Variants in AGBL4 observed in about 807,000 individuals in gnomAD.
The protein encoded by AGBL4 is AGBL carboxypeptidase 4.
In AGBL4, 58 loss-of-function variants were observed where a neutral mutation model predicts 66.4. The ratio of observed to expected loss-of-function variants is 0.87; its 90% CI spans 0.71 to 1.09. The LOEUF is 1.09. Ranked by LOEUF, AGBL4 falls within the 50% of genes least tolerant of loss-of-function variation. The pLI, the probability that AGBL4 is intolerant of heterozygous loss-of-function variation, is 0.00. For missense variants in AGBL4, 579 were observed against 631.0 expected (o/e 0.92, Z 0.88); for synonymous variants, 234 against 222.9 (o/e 1.05, Z -0.44).
chr1:48,874,311 T>C (rs1256324522), intron 5 of AGBL4, among the ~76,000 whole-genome samples: 2 of 138,176 alleles, frequency 1.4e-5, no homozygotes, highest in East Asian at 3.1e-4. Flanking sequence ...TCCCATGCCC[T>C]GCTCCCTGCC....
chr1:48,584,481 G>T (rs1185263235), intron 11 of AGBL4: 1 of 152,256 alleles, frequency 6.6e-6, no homozygotes, highest in Non-Finnish European at 1.5e-5. Flanking sequence ...ACTTTGGGAG[G>T]CCGAAGCAGG....
At chr1:49,625,785 T>C (rs1645453102) in intron 3 of AGBL4, among the ~76,000 whole-genome samples, 1 of 152,286 alleles carries the variant, frequency 6.6e-6, no homozygotes, top group Middle Eastern at 3.4e-3. Context: ...CTTGGAAGGA[T>C]GGCCCAATAA....
At chr1:49,904,412 T>C (rs1018727579) in intron 1 of AGBL4, among the ~76,000 whole-genome samples, 2 of 152,126 alleles carry the variant, frequency 1.3e-5, no homozygotes, top group African/African-American at 4.8e-5. Flanking sequence ...ACAGAGACAT[T>C]GGATAATAAT....
chr1:49,261,615 C>T (rs1275209607), intron 3 of AGBL4, among the ~76,000 whole-genome samples: 1 of 151,958 alleles, frequency 6.6e-6, no homozygotes, highest in Non-Finnish European at 1.5e-5. Context: ...ATGTGAAGGA[C>T]CTCTTCAAGG....
intron 11 of AGBL4, among the ~76,000 whole-genome samples, chr1:48,562,767 T>C (rs1240364758): frequency 6.6e-6 from 1 of 152,190 alleles, no homozygotes; most frequent in Non-Finnish European, 1.5e-5. Context: ...AGCTAGAAAG[T>C]AGCTGAGCTT....
chr1:49,415,113 C>T (rs1645398516), intron 3 of AGBL4, among the ~76,000 whole-genome samples: 1 of 152,140 alleles, frequency 6.6e-6, no homozygotes, highest in Non-Finnish European at 1.5e-5. Context: ...ATTCTGTACT[C>T]TTTCCTACTT....
chr1:48,776,904 G>C (rs1413966774), intron 6 of AGBL4: 16 of 945,732 alleles, frequency 1.7e-5, no homozygotes, highest in South Asian at 1.4e-4. Context: ...GGATCCGGCG[G>C]GGGGCGCGAG....
chr1:49,763,874 G>A (rs1287398657), intron 2 of AGBL4, among the ~76,000 whole-genome samples: 1 of 152,114 alleles, frequency 6.6e-6, no homozygotes, highest in Non-Finnish European at 1.5e-5. Flanking sequence ...CTAGGATAGA[G>A]GCCACAGCAG....
At chr1:49,490,008 A>G (rs1301029550) in intron 3 of AGBL4, among the ~76,000 whole-genome samples, 4 of 151,830 alleles carry the variant, frequency 2.6e-5, no homozygotes, top group East Asian at 1.9e-4. Flanking sequence ...CTATTTCCAA[A>G]TACTTACATG....
chr1:49,212,244 T>C (rs561225663), intron 4 of AGBL4, among the ~76,000 whole-genome samples: 1 of 152,106 alleles, frequency 6.6e-6, no homozygotes, highest in African/African-American at 2.4e-5. Context: ...CCATCTTGAA[T>C]AAATAATGTG....
chr1:48,814,370 T>G (rs200719296), intron 6 of AGBL4, among the ~76,000 whole-genome samples: 1 of 10,588 alleles, frequency 9.4e-5, no homozygotes, highest in Non-Finnish European at 6.3e-3. Context: ...ATGGGAAACA[T>G]AGTGATATTT....
chr1:49,646,174 T>G (rs993872210), intron 3 of AGBL4, among the ~76,000 whole-genome samples: 1 of 151,678 alleles, frequency 6.6e-6, no homozygotes, highest in Non-Finnish European at 1.5e-5. Context: ...TTCTACTCAG[T>G]GAAATAGGCA....
At chr1:48,716,359 C>A (rs1430785444) in intron 6 of AGBL4, among the ~76,000 whole-genome samples, 1 of 152,072 alleles carries the variant, frequency 6.6e-6, no homozygotes, top group African/African-American at 2.4e-5. Flanking sequence ...ACCCCACTGG[C>A]CTCAGCGTCC....
At chr1:49,567,864 A>T (rs1027711970) in intron 3 of AGBL4, among the ~76,000 whole-genome samples, 1 of 152,236 alleles carries the variant, frequency 6.6e-6, no homozygotes, top group African/African-American at 2.4e-5. Context: ...AAGGACAAAA[A>T]CTACATGATC....
intron 2 of AGBL4, among the ~76,000 whole-genome samples, chr1:49,755,374 A>G (rs1006797475): frequency 1.3e-5 from 2 of 152,224 alleles, no homozygotes; most frequent in African/African-American, 4.8e-5. Flanking sequence ...GCTCCAAGCT[A>G]TACTGTGTTA....
rs936990869 is a variant in AGBL4, at chr1:49,649,708, G to C, written c.282+47605C>G. On this transcript the variant is annotated intron_variant, in intron 3 of 13. Transcript: ENST00000371839. ...GAATATACATTCTTCTCAAGCTCTA[G>C]TAGGAAATTAACCAAGATAGACCTC... 2.0e-5 allele frequency among the ~76,000 whole-genome samples: 3 copies of C among 152,146 alleles called. No individual in the cohort carries two copies. The East Asian group carries it at 5.8e-4, about 29-fold the overall frequency.
At chr1:49,777,489 C>T (rs1644227060) in intron 2 of AGBL4, among the ~76,000 whole-genome samples, 1 of 152,116 alleles carries the variant, frequency 6.6e-6, no homozygotes, top group Admixed American at 6.5e-5. Flanking sequence ...TTGCTCAAGT[C>T]AGTATCATGT....
At chr1:49,740,309 G>A (rs950823609) in intron 2 of AGBL4, among the ~76,000 whole-genome samples, 1 of 152,080 alleles carries the variant, frequency 6.6e-6, no homozygotes, top group African/African-American at 2.4e-5. Context: ...AAGAAGGCCA[G>A]TACATAATGG....
intron 3 of AGBL4, among the ~76,000 whole-genome samples, chr1:49,323,452 T>A (rs1645166881): frequency 6.7e-6 from 1 of 148,714 alleles, no homozygotes; most frequent in Non-Finnish European, 1.5e-5. Context: ...TGGCTAATTT[T>A]TTTTTTTTTT....
Sources: gnomAD v4.1 joint callset for allele counts (sites outside exome capture counted in the v4.1 genomes callset) on GRCh38, gnomAD v4.1.1 for gene constraint, MANE v1.5 for transcripts, NCBI Gene and HGNC (gene_info 2026-07-23, HGNC 2026-07-21) for gene names.